The following GRIA2 variants were observed in gnomAD, a reference collection of about 807,000 sequenced individuals.
GRIA2 encodes the protein glutamate receptor 2.
GRIA2 carries 14 observed loss-of-function variants against 97.3 expected under a neutral mutation model. That is an observed-to-expected ratio of 0.14 (90% CI 0.10 to 0.23). The LOEUF (loss-of-function observed/expected upper bound fraction) is 0.23. Among genes scored for constraint, GRIA2 ranks in the 10% least tolerant of loss-of-function variants. The pLI is 1.00. For synonymous variants in GRIA2, 412 were observed against 387.8 expected (o/e 1.06, Z -0.73); for missense variants, 558 against 1,069.8 (o/e 0.52, Z 6.67).
At chr4:157,334,353 C>T (rs1042938113) in intron 9 of GRIA2, 1 of 407,756 alleles carries the variant, frequency 2.5e-6, no homozygotes, top group Admixed American at 3.6e-5. Context: ...AATTCCTACC[C>T]TGGTGCTTAC....
intron 12 of GRIA2, among the ~76,000 whole-genome samples, chr4:157,343,806 T>C (rs1270319815): frequency 1.3e-5 from 2 of 152,070 alleles, no homozygotes; most frequent in African/African-American, 4.8e-5. Context: ...CGGTTGCAAT[T>C]TGGGAAATTA....
intron 6 of GRIA2, among the ~76,000 whole-genome samples, chr4:157,325,151 G>A (rs1734749039): frequency 6.6e-6 from 1 of 151,970 alleles, no homozygotes; most frequent in Non-Finnish European, 1.5e-5. Context: ...ATTGTTCAAC[G>A]TTTTCATCTT....
intron 2 of GRIA2, among the ~76,000 whole-genome samples, chr4:157,225,581 A>G (rs751853547): frequency 1.3e-5 from 2 of 151,790 alleles, no homozygotes; most frequent in African/African-American, 2.4e-5. Context: ...GAGTGCCTTC[A>G]AGGTGTCAGA....
At chr4:157,324,073 C>A (rs1734701976) in intron 6 of GRIA2, among the ~76,000 whole-genome samples, 1 of 152,190 alleles carries the variant, frequency 6.6e-6, no homozygotes, top group Non-Finnish European at 1.5e-5. Context: ...TTAAATAACA[C>A]TTGCAAAGGG....
intron 2 of GRIA2, among the ~76,000 whole-genome samples, chr4:157,264,884 C>T (rs942906095): frequency 1.3e-5 from 2 of 151,624 alleles, no homozygotes; most frequent in African/African-American, 2.4e-5. Context: ...CACACACGCT[C>T]TCTCTCTCTC....
intron 6 of GRIA2, among the ~76,000 whole-genome samples, chr4:157,328,012 G>A (rs1734882338): frequency 6.6e-6 from 1 of 151,800 alleles, no homozygotes; most frequent in South Asian, 2.1e-4. Flanking sequence ...AACACAACCT[G>A]GAAGTTTGAA....
At chr4:157,327,490 C>A (rs1385253808) in intron 6 of GRIA2, among the ~76,000 whole-genome samples, 1 of 151,872 alleles carries the variant, frequency 6.6e-6, no homozygotes, top group Non-Finnish European at 1.5e-5. Context: ...ATTTTATCTT[C>A]CTTAAAAGTA....
At chr4:157,311,708 G>T (rs947324665) in intron 3 of GRIA2, among the ~76,000 whole-genome samples, 2 of 151,894 alleles carry the variant, frequency 1.3e-5, no homozygotes, top group African/African-American at 4.8e-5. Flanking sequence ...AAGATGATTT[G>T]CTGAGTTCTG....
chr4:157,323,173 A>G (rs1271829702), intron 6 of GRIA2, among the ~76,000 whole-genome samples: 1 of 151,582 alleles, frequency 6.6e-6, no homozygotes, highest in Non-Finnish European at 1.5e-5. Context: ...GTCTCTACCA[A>G]AAATACAAAA....
At chr4:157,306,917 AC>A (rs1733870582) in intron 3 of GRIA2, among the ~76,000 whole-genome samples, 1 of 152,106 alleles carries the variant, frequency 6.6e-6, no homozygotes, top group Non-Finnish European at 1.5e-5. Flanking sequence ...CCCTTTGTCC[AC>A]ATTAACCACA....
At position 157,333,199 on chromosome 4, in the gene GRIA2, T is replaced by C. The variant is rs1276768215; in HGVS notation, c.1051-50T>C. 5 of 1,089,812 alleles carry C rather than the reference T, an allele frequency of 4.6e-6. No individual in the cohort carries two copies. The African/African-American group carries it at 6.3e-5, about 14-fold the overall frequency. The allele number at this position is 1,089,812 out of a possible 1,614,324, so 67.5% of individuals were successfully genotyped here. The stretch of plus-strand genomic sequence containing the variant: ...TAAAGTAATCTGTACAGTGTATATG[T>C]TTGGTTGAAGTAAATATATAACTCT... On this transcript the variant is annotated intron_variant, in intron 7 of 15. Transcript: ENST00000264426.
chr4:157,342,532 A>C, intron 12 of GRIA2: 1 of 690,154 alleles, frequency 1.4e-6, no homozygotes, highest in Non-Finnish European at 1.8e-6. Flanking sequence ...ACTTTAATGC[A>C]GATTTTAGAA....
At position 157,267,951 on chromosome 4, in the gene GRIA2, T is replaced by A. The variant is rs565918234; in HGVS notation, c.230-35601T>A. ...ATCAAAGTTTATAAGGTTTGGAAGA[T>A]AATAAACAAGAACTTATCCAACAAA... On this transcript the variant is annotated intron_variant, in intron 2 of 15. Transcript: ENST00000264426. Among the ~76,000 whole-genome samples, 169 of 152,184 alleles carry A rather than the reference T, an allele frequency of 1.1e-3. 1 individual carries two copies. Among genetic ancestry groups the A allele is most frequent in the African/African-American group, 3.9e-3 (162 of 41,556 alleles).
chr4:157,310,652 T>C lies in GRIA2; in HGVS notation c.470-2027T>C, dbSNP rs77393688. ...TTAAATATAATGGTAATAGTATTAT[T>C]ATACCTAGACAATTAACAATTCATA... is the stretch of plus-strand genomic sequence containing the variant. On this transcript the variant is annotated intron_variant, in intron 3 of 15. Transcript: ENST00000264426. 8.3e-3 allele frequency among the ~76,000 whole-genome samples: 1,258 copies of C among 152,216 alleles called. 6 individuals are homozygous for C. Among genetic ancestry groups the C allele is most frequent in the Admixed American group, 0.016 (250 of 15,286 alleles).
chr4:157,261,430 G>T (rs1252433779), intron 2 of GRIA2, among the ~76,000 whole-genome samples: 2 of 151,860 alleles, frequency 1.3e-5, no homozygotes, highest in South Asian at 2.1e-4. Context: ...GATATATTTG[G>T]CATCTAATAT....
At chr4:157,340,280 GACA>G (rs1476398973) in intron 11 of GRIA2, among the ~76,000 whole-genome samples, 1 of 151,866 alleles carries the variant, frequency 6.6e-6, no homozygotes, top group Non-Finnish European at 1.5e-5. Context: ...TAGAGTTATT[GACA>G]ACAGAGAAAC....
chr4:157,237,907 A>T (rs989268429), intron 2 of GRIA2, among the ~76,000 whole-genome samples: 2 of 152,144 alleles, frequency 1.3e-5, no homozygotes, highest in African/African-American at 4.8e-5. Flanking sequence ...CTTAACCTAT[A>T]TCAAGATTTA....
At chr4:157,232,637 G>A (rs1730071907) in intron 2 of GRIA2, among the ~76,000 whole-genome samples, 1 of 152,120 alleles carries the variant, frequency 6.6e-6, no homozygotes, top group African/African-American at 2.4e-5. Context: ...GGGATACAAG[G>A]AAGCGCTGTA....
At chr4:157,232,548 A>G (rs1006368049) in intron 2 of GRIA2, among the ~76,000 whole-genome samples, 2 of 152,118 alleles carry the variant, frequency 1.3e-5, no homozygotes, top group Non-Finnish European at 2.9e-5. Context: ...CCAGGTTTTT[A>G]GTTTTTACTA....
Sources: gnomAD v4.1 joint callset for allele counts (sites outside exome capture counted in the v4.1 genomes callset) on GRCh38, gnomAD v4.1.1 for gene constraint, MANE v1.5 for transcripts, NCBI Gene and HGNC (gene_info 2026-07-23, HGNC 2026-07-21) for gene names.